The following PARP8 variants were observed in gnomAD, a reference collection of about 807,000 sequenced individuals.
PARP8 encodes the protein poly(ADP-ribose) polymerase family member 8, also known as protein mono-ADP-ribosyltransferase PARP8.
In PARP8, 51 loss-of-function variants were observed where a neutral mutation model predicts 124.1. The observed-to-expected ratio is 0.41, with a 90% CI of 0.33 to 0.52. The LOEUF is 0.52. PARP8 is among the 20% of genes least tolerant of loss of function. The pLI is 0.21. For missense variants in PARP8, 860 were observed against 1,018.9 expected, an observed-to-expected ratio of 0.84 and a Z score of 2.12; for synonymous variants, 391 against 361.5, an observed-to-expected ratio of 1.08 and a Z score of -0.93.
At chr5:50,743,354 A>C (rs1758242714) in intron 2 of PARP8, among the ~76,000 whole-genome samples, 1 of 152,118 alleles carries the variant, frequency 6.6e-6, no homozygotes, top group South Asian at 2.1e-4. Context: ...TTAGAGGGTG[A>C]AATGATGATG....
intron 25 of PARP8, among the ~76,000 whole-genome samples, chr5:50,836,715 A>T (rs1457635210): frequency 6.6e-6 from 1 of 152,186 alleles, no homozygotes; most frequent in Non-Finnish European, 1.5e-5. Context: ...TTAATTTAGC[A>T]CAATGCAGGT....
rs369793034 is a variant in PARP8, at chr5:50,832,717, G to A, written c.2234-64G>A. On this transcript the variant is annotated intron_variant, in intron 22 of 25. Transcript: ENST00000281631. Reference sequence around the variant, plus strand: ...AGAATGGAACTTTGCATAGTAGGTCGATTGTACTTTCAGCTGCATCAGACA... The same window carrying A: ...AGAATGGAACTTTGCATAGTAGGTCAATTGTACTTTCAGCTGCATCAGACA... 2.5e-5 allele frequency: 37 copies of A among 1,505,438 alleles called. No homozygotes were observed. The African/African-American group carries it at 3.3e-4, about 13-fold the overall frequency. The allele number at this position is 1,505,438 out of a possible 1,614,324, so 93.3% of individuals were successfully genotyped here. A position where few individuals can be genotyped will look rare whatever the true frequency, so the allele number is the denominator to read the frequency against.
At chr5:50,687,789 A>G (rs1752031394) in intron 2 of PARP8, among the ~76,000 whole-genome samples, 3 of 152,182 alleles carry the variant, frequency 2.0e-5, no homozygotes, top group Admixed American at 2.0e-4. Flanking sequence ...CTGTCACGAA[A>G]GCAGCACCAG....
intron 2 of PARP8, chr5:50,744,713 G>T: frequency 1.4e-6 from 1 of 695,522 alleles, no homozygotes; most frequent in African/African-American, 1.8e-5. Flanking sequence ...AAATTCTGAA[G>T]GCTTTTTTTT....
chr5:50,714,134 G>A (rs1755061728), intron 2 of PARP8, among the ~76,000 whole-genome samples: 1 of 149,022 alleles, frequency 6.7e-6, no homozygotes, highest in Non-Finnish European at 1.5e-5. Context: ...TTTATTTTGA[G>A]GGTATCTGAG....
chr5:50,669,573 A>G (rs1475625633), intron 2 of PARP8: 3 of 152,188 alleles, frequency 2.0e-5, no homozygotes, highest in Non-Finnish European at 4.4e-5. Context: ...CTGTACAATC[A>G]AAGGGTAAAT....
At chr5:50,698,391 A>G (rs1753249748) in intron 2 of PARP8, among the ~76,000 whole-genome samples, 1 of 152,190 alleles carries the variant, frequency 6.6e-6, no homozygotes, top group South Asian at 2.1e-4. Context: ...AACATTTATG[A>G]ATATTATAAT....
At chr5:50,778,004 CCT>C in intron 7 of PARP8, 63 bp from the exon 8 acceptor site, 1 of 1,206,908 alleles carries the variant, frequency 8.3e-7, no homozygotes, top group Non-Finnish European at 1.2e-6. Flanking sequence ...AATAAAATAA[CCT>C]AACACACACC....
chr5:50,675,407 C>T (rs1242120965), intron 2 of PARP8, among the ~76,000 whole-genome samples: 3 of 152,190 alleles, frequency 2.0e-5, no homozygotes, highest in Admixed American at 1.3e-4. Flanking sequence ...CGGGTTCAAA[C>T]GATTCTCCCG....
chr5:50,835,229 T>A (rs1420289677), intron 25 of PARP8, among the ~76,000 whole-genome samples: 1 of 152,172 alleles, frequency 6.6e-6, no homozygotes, highest in African/African-American at 2.4e-5. Flanking sequence ...GAAAAACACC[T>A]GTTAACTTAC....
At chr5:50,749,734 A>G (rs1017864520) in intron 2 of PARP8, among the ~76,000 whole-genome samples, 1 of 152,160 alleles carries the variant, frequency 6.6e-6, no homozygotes, top group Non-Finnish European at 1.5e-5. Context: ...ATTTTGGGGA[A>G]ACTATTAAAA....
chr5:50,710,142 T>G (rs1754626464), intron 2 of PARP8, among the ~76,000 whole-genome samples: 1 of 151,880 alleles, frequency 6.6e-6, no homozygotes, highest in Non-Finnish European at 1.5e-5. Context: ...CTAATTATTG[T>G]GCTTTCATTT....
At chr5:50,768,286 T>C (rs1325796142) in intron 7 of PARP8, among the ~76,000 whole-genome samples, 5 of 151,886 alleles carry the variant, frequency 3.3e-5, no homozygotes, top group African/African-American at 4.8e-5. Context: ...AACAAATTGC[T>C]AAGAATTCTA....
intron 2 of PARP8, among the ~76,000 whole-genome samples, chr5:50,720,615 A>G (rs1292357219): frequency 1.3e-5 from 2 of 152,026 alleles, no homozygotes; most frequent in African/African-American, 4.8e-5. Flanking sequence ...TTATATCATA[A>G]TTCTTTAGAG....
At chr5:50,729,531 G>A (rs961148631) in intron 2 of PARP8, among the ~76,000 whole-genome samples, 47 of 152,132 alleles carry the variant, frequency 3.1e-4, no homozygotes, top group Admixed American at 2.7e-3. Flanking sequence ...ATATTCTTGC[G>A]TGTAAAATAA....
At chr5:50,798,822 A>T (rs1742865393) in intron 14 of PARP8, among the ~76,000 whole-genome samples, 1 of 152,166 alleles carries the variant, frequency 6.6e-6, no homozygotes, top group Non-Finnish European at 1.5e-5. Flanking sequence ...ATTTTCTGCT[A>T]AAAAATTTTG....
intron 4 of PARP8, among the ~76,000 whole-genome samples, chr5:50,760,005 T>C (rs1192216867): frequency 6.6e-6 from 1 of 152,204 alleles, no homozygotes; most frequent in Non-Finnish European, 1.5e-5. Flanking sequence ...ACTGAATATT[T>C]TAAAACCACA....
intron 2 of PARP8, among the ~76,000 whole-genome samples, chr5:50,719,357 T>G (rs997337654): frequency 6.6e-6 from 1 of 152,074 alleles, no homozygotes; most frequent in Admixed American, 6.6e-5. Flanking sequence ...CACTTTTGCT[T>G]TGGTTACCTA....
intron 2 of PARP8, among the ~76,000 whole-genome samples, chr5:50,715,493 A>C (rs1755212172): frequency 6.6e-6 from 1 of 151,360 alleles, no homozygotes; most frequent in Non-Finnish European, 1.5e-5. Context: ...TCAGAGTGTC[A>C]TGGTATTCAT....
Sources: allele counts gnomAD v4.1 joint callset (sites outside exome capture counted in the v4.1 genomes callset), GRCh38; gene constraint gnomAD v4.1.1; transcripts MANE v1.5; gene names NCBI Gene and HGNC (gene_info 2026-07-23, HGNC 2026-07-21).